The following ZNF717 variants were observed in gnomAD, a reference collection of about 807,000 sequenced individuals.
ZNF717 encodes the protein krueppel-like factor X17.
Under a neutral mutation model 13.8 loss-of-function variants are expected in ZNF717, and 9 were observed. The observed-to-expected ratio is 0.65, with a 90% CI of 0.39 to 1.14. The LOEUF is 1.14. Among genes scored for constraint, ZNF717 ranks in the 50% most tolerant of loss-of-function variants. ZNF717 has a pLI of 0.01. For missense variants in ZNF717, 1,040 were observed against 1,080.7 expected (o/e 0.96, Z 0.53); for synonymous variants, 327 against 364.1 (o/e 0.90, Z 1.16).
At chr3:75,709,409 T>C (rs9844970), downstream of ZNF717, among the ~76,000 whole-genome samples, 62,915 of 151,780 alleles carry the variant, frequency 0.41, 13,449 homozygotes, top group South Asian at 0.61. Flanking sequence ...GATCCAGTCA[T>C]GTCCCCAGGC....
At chr3:75,707,896 T>TGGGGGAGGGGCGCCTGCCATTGCCC (rs1937838427), downstream of ZNF717, among the ~76,000 whole-genome samples, 4 of 152,224 alleles carry the variant, frequency 2.6e-5, no homozygotes, top group South Asian at 8.3e-4. Context: ...GCAGCAAGGC[T>TGGGGGAGGGGCGCCTGCCATTGCCC]GGGGGAGGGG....
intron 2 of ZNF717, among the ~76,000 whole-genome samples, chr3:75,744,781 T>C (rs1192673542): frequency 6.6e-6 from 1 of 152,258 alleles, no homozygotes; most frequent in Non-Finnish European, 1.5e-5. Flanking sequence ...TTTTGAAATA[T>C]GTCAGAGCAC....
intron 2 of ZNF717, among the ~76,000 whole-genome samples, chr3:75,742,375 TG>T (rs143730917): frequency 0.35 from 52,526 of 148,846 alleles, 4,291 homozygotes; most frequent in South Asian, 0.49. Flanking sequence ...GCTCATGATC[TG>T]GTTATGAATA....
At chr3:75,706,187 C>T (rs1575713406), downstream of ZNF717, among the ~76,000 whole-genome samples, 1 of 152,428 alleles carries the variant, frequency 6.6e-6, no homozygotes, top group East Asian at 1.9e-4. Context: ...TGGAAAATTA[C>T]TCAGGGAAAA....
In ZNF717 at chr3:75,738,173, A is replaced by G. The variant is rs1195062669; in HGVS notation, c.1450T>C (p.Cys484Arg). Residue 484 changes from cysteine (C) to arginine (R), a missense_variant, in exon 5 of 5, where the codon TGT becomes CGT. Around this residue, in one of 3 missense-constraint regions of ZNF717, gnomAD observed 873 missense variants for 832.8 expected, o/e 1.05. Coordinates refer to ENST00000652011, the MANE Select transcript of ZNF717 (RefSeq NM_001290208.3). ...GACTTACGGTGAAACGTTTTCCCAC[A>G]TTCATTGCATTCATAGGGTTTTTCC... Reference protein sequence around the residue: ...TGEKPYECNECGKTFHRKSFL... With the variant: ...TGEKPYECNERGKTFHRKSFL... 5 of 1,387,870 alleles carry G rather than the reference A, an allele frequency of 3.6e-6. No individual in the cohort carries two copies. The Admixed American group carries it at 8.6e-5, about 24-fold the overall frequency. The allele number at this position is 1,387,870 out of a possible 1,614,324, so 86.0% of individuals were successfully genotyped here.
intron 2 of ZNF717, among the ~76,000 whole-genome samples, chr3:75,765,253 G>T (rs1005386292): frequency 3.3e-5 from 5 of 151,670 alleles, no homozygotes; most frequent in African/African-American, 1.2e-4. Context: ...GTTGTTGAAT[G>T]GGTATAGAGC....
Position 75,737,119 on chromosome 3 carries a change from G to C in ZNF717, c.2504C>G (p.Thr835Ser). The C allele has an allele frequency of 6.4e-7, 1 of 1,570,712 alleles. No homozygotes were observed. Among genetic ancestry groups the C allele is most frequent in the East Asian group, 2.4e-5 (1 of 42,064 alleles). ...QKSKLFVHHRTHTGEKPFRCN... is the reference protein window; with the variant it reads ...QKSKLFVHHRSHTGEKPFRCN... ...TCTAAAGGGTTTTTCCCCTGTGTGA[G>C]TTCTGTGATGTACAAAGAGTTTTGA... Residue 835 changes from threonine to serine, a missense_variant, in exon 5 of 5, where the codon ACT (threonine) becomes AGT (serine). Around this residue, in one of 3 missense-constraint regions of ZNF717, gnomAD observed 873 missense variants for 832.8 expected, o/e 1.05. Coordinates refer to ENST00000652011, the MANE Select transcript of ZNF717 (RefSeq NM_001290208.3).
chr3:75,715,822 AAAT>A (rs1938036456), intron 5 of ZNF717, among the ~76,000 whole-genome samples: 1 of 152,204 alleles, frequency 6.6e-6, no homozygotes, highest in African/African-American at 2.4e-5. Context: ...CAGGTTTTTC[AAAT>A]AATGACTATT....
rs528584753 is a variant in ZNF717 at position 75,783,491 on chromosome 3, T to A, written c.-2-127A>T. ...TCCTCCCTCCTGAAAAAGAAAAACT[T>A]CCCCATGGGAGAAGAGTCCTTCAAG... On this transcript the variant is annotated intron_variant, in intron 1 of 4. Transcript: ENST00000652011. 4 of 665,466 alleles carry A rather than the reference T, an allele frequency of 6.0e-6. No homozygotes were observed. The South Asian group carries it at 8.4e-5, about 14-fold the overall frequency. 41.2% of individuals were successfully genotyped at this position (665,466 alleles called of 1,614,324 possible). A position where few individuals can be genotyped will look rare whatever the true frequency, so the allele number is the denominator to read the frequency against.
intron 2 of ZNF717, among the ~76,000 whole-genome samples, chr3:75,774,200 A>AAAAAAAGAAAGAAAG (rs1227599777): frequency 4.8e-5 from 7 of 144,362 alleles, no homozygotes; most frequent in African/African-American, 1.5e-4. Flanking sequence ...AAAAAAAAAA[A>AAAAAAAGAAAGAAAG]AAAGGAAAAA....
chr3:75,732,015 C>G, downstream of ZNF717: 1 of 700,862 alleles, frequency 1.4e-6, no homozygotes, highest in East Asian at 2.7e-5. Flanking sequence ...GGTAAAAACA[C>G]CAGGGAGATC....
chr3:75,737,368 T>C lies in ZNF717; in HGVS notation c.2255A>G (p.His752Arg). 1.3e-6 allele frequency: 2 copies of C among 1,552,732 alleles called. No homozygotes were observed. Among genetic ancestry groups the C allele is most frequent in the Non-Finnish European group, 1.7e-6 (2 of 1,147,616 alleles). Reference sequence around the variant, plus strand: ...ACATTCATAAGGTTTTTCTCCGGTATGGGTTCTATGATGTACAGTGAGGAC... The same window carrying C: ...ACATTCATAAGGTTTTTCTCCGGTACGGGTTCTATGATGTACAGTGAGGAC... ...KSVLTVHHRT[H>R]TGEKPYECNE... is the part of the protein sequence containing the mutation. Residue 752 changes from histidine to arginine, a missense_variant, in exon 5 of 5, where the codon CAT becomes CGT. This residue lies in a region of ZNF717 where 873 missense variants were observed against 832.8 expected (regional missense o/e 1.05). Transcript: ENST00000652011.
Position 75,739,081 on chromosome 3 carries a change from T to A in ZNF717, c.542A>T (p.His181Leu). Reference sequence around the variant, plus strand: ...GGATCTCCTGGTTATATCACAGACATGAGGTTTCTCTCCAGACTGTGTCTC... The same window carrying A: ...GGATCTCCTGGTTATATCACAGACAAGAGGTTTCTCTCCAGACTGTGTCTC... ...PGETQSGEKP[H>L]VCDITRRSHR... The change falls in exon 5 of 5, where the codon CAT (histidine) becomes CTT (leucine). Residue 181 changes from histidine to leucine, a missense_variant. Physicochemically the swap from His to Leu is moderately conservative, Grantham distance 99. Coordinates refer to ENST00000652011, the MANE Select transcript of ZNF717 (RefSeq NM_001290208.3). 1 of 1,551,596 alleles carries A rather than the reference T, an allele frequency of 6.4e-7. No individual in the cohort carries two copies. Among genetic ancestry groups the A allele is most frequent in the Non-Finnish European group, 8.7e-7 (1 of 1,146,916 alleles).
At chr3:75,712,435 A>AG (rs1937960091) in intron 5 of ZNF717, among the ~76,000 whole-genome samples, 1 of 152,252 alleles carries the variant, frequency 6.6e-6, no homozygotes, top group Non-Finnish European at 1.5e-5. Context: ...CTTAATCCTT[A>AG]GAAAGACTTT....
downstream of ZNF717, among the ~76,000 whole-genome samples, chr3:75,708,345 C>A (rs1405180493): frequency 6.6e-6 from 1 of 152,294 alleles, no homozygotes; most frequent in African/African-American, 2.4e-5. Flanking sequence ...CTGCTGATAC[C>A]CAGGCAAACA....
At chr3:75,782,646 T>G (rs1278113047) in intron 2 of ZNF717, among the ~76,000 whole-genome samples, 1 of 152,108 alleles carries the variant, frequency 6.6e-6, no homozygotes, top group African/African-American at 2.4e-5. Flanking sequence ...GATGACCATT[T>G]CCACTGCACA....
At chr3:75,705,802 C>T (rs1043172441), downstream of ZNF717, among the ~76,000 whole-genome samples, 1 of 152,304 alleles carries the variant, frequency 6.6e-6, no homozygotes, top group African/African-American at 2.4e-5. Context: ...TAGCCATATG[C>T]AAGGAAAAAC....
chr3:75,707,430 G>A (rs930171180), downstream of ZNF717, among the ~76,000 whole-genome samples: 879 of 128,094 alleles, frequency 6.9e-3, no homozygotes, highest in Middle Eastern at 0.014. Context: ...GAGTCCCAGG[G>A]GATGCAAGCT....
intron 4 of ZNF717, among the ~76,000 whole-genome samples, chr3:75,717,958 GT>G (rs1938090210): frequency 6.6e-6 from 1 of 152,192 alleles, no homozygotes; most frequent in African/African-American, 2.4e-5. Context: ...AGTGCACGTA[GT>G]TTATTTGGGA....
Sources: allele counts gnomAD v4.1 joint callset (sites outside exome capture counted in the v4.1 genomes callset), GRCh38; gene constraint gnomAD v4.1.1; regional missense constraint gnomAD v4.1.1; transcripts MANE v1.5; gene names NCBI Gene and HGNC (gene_info 2026-07-23, HGNC 2026-07-21).